Variants in PLEKHF2 observed in about 807,000 individuals in gnomAD.
The protein encoded by PLEKHF2 is pleckstrin homology domain-containing family F member 2.
In PLEKHF2, 4 loss-of-function variants were observed where a neutral mutation model predicts 14.7. That is an observed-to-expected ratio of 0.27 (90% CI 0.13 to 0.62). The LOEUF (loss-of-function observed/expected upper bound fraction) is 0.62, where lower values mean the gene tolerates loss of function less well. Among genes scored for constraint, PLEKHF2 ranks in the 20% least tolerant of loss-of-function variants. The probability of loss-of-function intolerance (pLI) is 0.85; values close to 1 mark genes in which losing one functional copy is unlikely to be tolerated. For synonymous variants in PLEKHF2, 90 were observed against 103.5 expected, an observed-to-expected ratio of 0.87 and a Z score of 0.79; for missense variants, 201 against 307.7, an observed-to-expected ratio of 0.65 and a Z score of 2.60.
At chr8:95,134,693 A>G (rs977521003) in intron 1 of PLEKHF2, among the ~76,000 whole-genome samples, 3 of 152,316 alleles carry the variant, frequency 2.0e-5, no homozygotes, top group East Asian at 1.9e-4. Context: ...TGTTGCTTGA[A>G]TAGCCTTGTG....
Position 95,154,770 on chromosome 8 carries a change from T to C in PLEKHF2, c.726T>C (p.Asp242=). 6.2e-7 allele frequency: 1 copy of C among 1,614,040 alleles called. No individual in the cohort carries two copies. The highest frequency in any genetic ancestry group is 8.5e-7 in the Non-Finnish European group (1 of 1,179,922). ...CTTTAAATGATATGTCTGATGATGA[T>C]GACGATGATGATAGCAGTGACTAAG... ...KSPLNDMSDD[D]DDDDSSD The change falls in exon 2 of 2, where the codon GAT becomes GAC. Residue 242 remains aspartate (D), a synonymous_variant. Transcript: ENST00000315367. The surrounding 1 kb of genome is among the most constrained non-coding windows in gnomAD (Gnocchi z 5.6).
At chr8:95,134,688 C>T (rs1587301193) in intron 1 of PLEKHF2, among the ~76,000 whole-genome samples, 1 of 152,262 alleles carries the variant, frequency 6.6e-6, no homozygotes, top group East Asian at 1.9e-4. Context: ...GCCGGTGTTG[C>T]TTGAATAGCC....
chr8:95,138,361 C>CG (rs986711997), intron 1 of PLEKHF2, among the ~76,000 whole-genome samples: 1 of 87,440 alleles, frequency 1.1e-5, no homozygotes. Context: ...CTTCCCCCCC[C>CG]CCCCGCCCCT....
rs1235552056 is a variant in PLEKHF2, at chr8:95,155,290, A to T, written c.*496A>T. 5.8e-6 allele frequency: 1 copy of T among 171,900 alleles called. No homozygotes were observed. Among genetic ancestry groups the T allele is most frequent in the African/African-American group, 2.4e-5 (1 of 41,490 alleles). The allele number at this position is 171,900 out of a possible 1,614,324, so 10.6% of individuals were successfully genotyped here. A position where few individuals can be genotyped will look rare whatever the true frequency, so the allele number is the denominator to read the frequency against. The stretch of plus-strand genomic sequence containing the variant: ...TTCATATACCTAGTGGTGCCTTATC[A>T]TAATAGCACTGTTACATGAAATAAG... On this transcript the variant is annotated 3_prime_UTR_variant, in exon 2 of 2. Coordinates refer to ENST00000315367, the MANE Select transcript of PLEKHF2 (RefSeq NM_024613.4).
At chr8:95,147,737 A>C (rs2132109173) in intron 1 of PLEKHF2, among the ~76,000 whole-genome samples, 1 of 152,182 alleles carries the variant, frequency 6.6e-6, no homozygotes, top group East Asian at 1.9e-4. Context: ...TAGCATCACT[A>C]CTGTATCATT....
chr8:95,147,803 G>T (rs1323484250), intron 1 of PLEKHF2, among the ~76,000 whole-genome samples: 1 of 151,820 alleles, frequency 6.6e-6, no homozygotes, highest in African/African-American at 2.4e-5. Flanking sequence ...TTTCTTCTAA[G>T]CTTTCATTTA....
rs1810439438 is a variant in PLEKHF2 at position 95,141,552 on chromosome 8, G to T, written c.-15+7522G>T. On this transcript the variant is annotated intron_variant, in intron 1 of 1. Transcript: ENST00000315367. ...ACTTTTTTTTTTCTTTTGAGAGGGA[G>T]TCTTGCTCTGTGGTTCAGGCTGGAG... Among the ~76,000 whole-genome samples, 4 of 151,948 alleles carry T rather than the reference G, an allele frequency of 2.6e-5. 1 individual carries two copies. In the South Asian group the frequency reaches 8.3e-4, roughly 32 times the overall value.
At chr8:95,138,833 T>A (rs1314331882) in intron 1 of PLEKHF2, among the ~76,000 whole-genome samples, 1 of 152,238 alleles carries the variant, frequency 6.6e-6, no homozygotes, top group African/African-American at 2.4e-5. Flanking sequence ...ATATTTAGGT[T>A]GTTTCCAGCT....
At chr8:95,134,255 C>CCGT (rs1810351278) in intron 1 of PLEKHF2, 1 of 149,546 alleles carries the variant, frequency 6.7e-6, no homozygotes, top group Non-Finnish European at 1.5e-5. Context: ...GTTGCCGCCG[C>CCGT]CGTCCCGCCA....
rs558124350 is a variant in PLEKHF2 at position 95,155,892 on chromosome 8, A to G, written c.*1098A>G. On this transcript the variant is annotated 3_prime_UTR_variant, in exon 2 of 2. Transcript: ENST00000315367. ...GTGAAACTATCTTGAATTTGCAAATATAGTGTTATATTTTATAAAGTTTTG... is the reference window on the plus strand; with the variant it reads ...GTGAAACTATCTTGAATTTGCAAATGTAGTGTTATATTTTATAAAGTTTTG... 2 of 167,224 alleles carry G rather than the reference A, an allele frequency of 1.2e-5. No homozygotes were observed. Among genetic ancestry groups the G allele is most frequent in the South Asian group, 4.1e-4 (2 of 4,834 alleles). 10.4% of individuals were successfully genotyped at this position (167,224 alleles called of 1,614,324 possible). A position where few individuals can be genotyped will look rare whatever the true frequency, so the allele number is the denominator to read the frequency against.
At chr8:95,146,674 A>C (rs1032978225) in intron 1 of PLEKHF2, among the ~76,000 whole-genome samples, 1 of 152,162 alleles carries the variant, frequency 6.6e-6, no homozygotes, top group Non-Finnish European at 1.5e-5. Flanking sequence ...AGTGTGAAGA[A>C]GATGACTTGA....
intron 1 of PLEKHF2, among the ~76,000 whole-genome samples, chr8:95,145,845 T>C (rs1810494941): frequency 2.0e-5 from 3 of 152,268 alleles, no homozygotes; most frequent in Admixed American, 6.5e-5. Context: ...TCTTGTCCCT[T>C]GCAGATGGTA....
intron 1 of PLEKHF2, among the ~76,000 whole-genome samples, chr8:95,152,891 G>A (rs1287694290): frequency 6.6e-6 from 1 of 152,052 alleles, no homozygotes; most frequent in Non-Finnish European, 1.5e-5. Context: ...AAGGCTTGTT[G>A]TTCTTTAATA....
At chr8:95,136,095 C>A (rs561201595) in intron 1 of PLEKHF2, among the ~76,000 whole-genome samples, 13 of 152,302 alleles carry the variant, frequency 8.5e-5, no homozygotes, top group African/African-American at 3.1e-4. Context: ...TCCTTGACAG[C>A]AGGCAACACA....
chr8:95,138,353 T>TCCC (rs61519066), intron 1 of PLEKHF2, among the ~76,000 whole-genome samples: 243 of 71,736 alleles, frequency 3.4e-3, no homozygotes, highest in African/African-American at 7.4e-3. Context: ...TTCTTCATCT[T>TCCC]CCCCCCCCCC....
intron 1 of PLEKHF2, among the ~76,000 whole-genome samples, chr8:95,142,647 G>A (rs1810451452): frequency 6.6e-6 from 1 of 152,136 alleles, no homozygotes; most frequent in African/African-American, 2.4e-5. Context: ...GTGAGTTTTT[G>A]AATCTGAGTT....
At chr8:95,153,747 A>G (rs772167378) in intron 1 of PLEKHF2, among the ~76,000 whole-genome samples, 47 of 152,190 alleles carry the variant, frequency 3.1e-4, no homozygotes, top group Non-Finnish European at 5.6e-4. Context: ...TAATTATCCA[A>G]TCGTCTTTCA....
intron 1 of PLEKHF2, among the ~76,000 whole-genome samples, chr8:95,136,329 T>TACACACAC (rs773190083): frequency 2.2e-4 from 14 of 63,076 alleles, no homozygotes; most frequent in African/African-American, 1.1e-3. Flanking sequence ...GTTTTTATTA[T>TACACACAC]ATATACACAC....
chr8:95,136,998 A>T (rs1415739175), intron 1 of PLEKHF2, among the ~76,000 whole-genome samples: 2 of 152,250 alleles, frequency 1.3e-5, no homozygotes, highest in Non-Finnish European at 2.9e-5. Context: ...TGCTCAATTT[A>T]GGGAGGTCCT....
Sources: allele counts gnomAD v4.1 joint callset (sites outside exome capture counted in the v4.1 genomes callset), GRCh38; gene constraint gnomAD v4.1.1; non-coding constraint Gnocchi (gnomAD v3.1); transcripts MANE v1.5; gene names NCBI Gene and HGNC (gene_info 2026-07-23, HGNC 2026-07-21).